The following TVP23C variants were observed in gnomAD, a reference collection of about 807,000 sequenced individuals.
TVP23C encodes the protein Golgi apparatus membrane protein TVP23 homolog C.
Under a neutral mutation model 28.7 loss-of-function variants are expected in TVP23C, and 19 were observed. The observed-to-expected ratio is 0.66, with a 90% confidence interval of 0.46 to 0.97. The LOEUF (loss-of-function observed/expected upper bound fraction) is 0.97. TVP23C is among the 50% of genes least tolerant of loss of function. The probability of loss-of-function intolerance (pLI) is 0.00; values close to 1 mark genes in which losing one functional copy is unlikely to be tolerated. For synonymous variants in TVP23C, 68 were observed against 81.7 expected, an observed-to-expected ratio of 0.83 and a Z score of 0.90; for missense variants, 186 against 241.3, an observed-to-expected ratio of 0.77 and a Z score of 1.52.
At chr17:15,520,846 C>G (rs1272925225) in intron 5 of TVP23C, among the ~76,000 whole-genome samples, 5 of 151,958 alleles carry the variant, frequency 3.3e-5, no homozygotes. Flanking sequence ...AATCTGTCAT[C>G]ATTTGCAGTT....
intron 5 of TVP23C, among the ~76,000 whole-genome samples, chr17:15,545,248 TA>T (rs1983590646): frequency 6.6e-6 from 1 of 152,136 alleles, no homozygotes; most frequent in Non-Finnish European, 1.5e-5. Flanking sequence ...GGCTGCCACG[TA>T]AGCAGTCCCA....
In TVP23C at chr17:15,538,894, G is replaced by A; in HGVS notation, c.*1518C>T. The stretch of plus-strand genomic sequence containing the variant: ...GCCATGCAAAAATCCTTCAGAATGA[G>A]ATGATCATGTCCCTACATGAATATT... On this transcript the variant is annotated 3_prime_UTR_variant, in exon 6 of 6. Transcript: ENST00000518321. The A allele has an allele frequency of 1.0e-6, 1 of 985,846 alleles. No homozygotes were observed. The highest frequency in any genetic ancestry group is 1.2e-6 in the Non-Finnish European group (1 of 829,938). The allele number at this position is 985,846 out of a possible 1,614,324, so 61.1% of individuals were successfully genotyped here.
At chr17:15,525,754 T>C (rs1370559261) in intron 5 of TVP23C, among the ~76,000 whole-genome samples, 1 of 152,148 alleles carries the variant, frequency 6.6e-6, no homozygotes, top group African/African-American at 2.4e-5. Flanking sequence ...ACAAAGGTGG[T>C]GTCCTAAGGT....
intron 5 of TVP23C, among the ~76,000 whole-genome samples, chr17:15,517,427 CTT>C (rs1982276891): frequency 6.6e-6 from 1 of 152,206 alleles, no homozygotes; most frequent in South Asian, 2.1e-4. Context: ...TGATCTGCAT[CTT>C]GTCTTTACCA....
chr17:15,556,241 T>C (rs868692797), intron 1 of TVP23C, among the ~76,000 whole-genome samples: 1 of 151,860 alleles, frequency 6.6e-6, no homozygotes, highest in African/African-American at 2.4e-5. Context: ...CTAATCAGCA[T>C]ATGCATATAA....
intron 5 of TVP23C, among the ~76,000 whole-genome samples, chr17:15,521,706 A>T (rs900474117): frequency 3.3e-5 from 5 of 152,224 alleles, no homozygotes; most frequent in Admixed American, 3.3e-4. Context: ...CCACATGGGA[A>T]ATAAAAAGAA....
chr17:15,549,423 T>C (rs1489757553), intron 3 of TVP23C, among the ~76,000 whole-genome samples: 3 of 152,134 alleles, frequency 2.0e-5, no homozygotes, highest in African/African-American at 7.2e-5. Flanking sequence ...AGTAGTATTT[T>C]ACACATGTTA....
intron 5 of TVP23C, among the ~76,000 whole-genome samples, chr17:15,542,767 T>C (rs1364375898): frequency 6.6e-6 from 1 of 152,122 alleles, no homozygotes; most frequent in Non-Finnish European, 1.5e-5. Flanking sequence ...TGAGCCACCA[T>C]GCCAAGGTCT....
intron 5 of TVP23C, among the ~76,000 whole-genome samples, chr17:15,508,703 T>C (rs951332602): frequency 3.3e-5 from 5 of 152,242 alleles, no homozygotes; most frequent in African/African-American, 1.2e-4. Flanking sequence ...CACTAATAGC[T>C]TACAAACGAG....
In TVP23C at chr17:15,502,784, TCCCTCTCTCCTCTCTC is replaced by T. The variant is rs1567627308; in HGVS notation, c.*64_*79del. ...TCTCCTTCTCCGTCACTCTCTTCCC[TCCCTCTCTCCTCTCTC>T]CTCTCTCTCCTCTCTCTCTCTCTCT... On this transcript the variant is annotated 3_prime_UTR_variant, in exon 6 of 6. Coordinates refer to the TVP23C transcript ENST00000225576. The T allele has an allele frequency of 2.3e-5, 33 of 1,465,344 alleles. No homozygotes were observed. The African/African-American group carries it at 4.1e-4, about 18-fold the overall frequency. 90.8% of individuals were successfully genotyped at this position (1,465,344 alleles called of 1,614,324 possible). A position where few individuals can be genotyped will look rare whatever the true frequency, so the allele number is the denominator to read the frequency against.
downstream of TVP23C, among the ~76,000 whole-genome samples, chr17:15,534,823 C>T (rs1300013477): frequency 2.6e-5 from 4 of 151,580 alleles, no homozygotes; most frequent in Admixed American, 1.3e-4. Context: ...ACAAAATTAG[C>T]CGGGCGTGGT....
chr17:15,524,318 AG>A (rs1475840301), intron 5 of TVP23C, among the ~76,000 whole-genome samples: 10 of 152,114 alleles, frequency 6.6e-5, no homozygotes, highest in Non-Finnish European at 1.5e-4. Context: ...TCCAAATATG[AG>A]TTTTTCCTGT....
intron 5 of TVP23C, among the ~76,000 whole-genome samples, chr17:15,518,882 G>A (rs563681318): frequency 1.4e-4 from 21 of 152,254 alleles, no homozygotes; most frequent in African/African-American, 3.8e-4. Flanking sequence ...TAATCCCCAC[G>A]TGTCGAGGGG....
intron 5 of TVP23C, among the ~76,000 whole-genome samples, chr17:15,515,106 C>G (rs778692908): frequency 2.0e-5 from 3 of 152,060 alleles, no homozygotes; most frequent in Non-Finnish European, 4.4e-5. Flanking sequence ...TGCCCATACC[C>G]ACAGTGGGCA....
At chr17:15,533,153 T>C (rs1427806524), downstream of TVP23C, among the ~76,000 whole-genome samples, 1 of 152,206 alleles carries the variant, frequency 6.6e-6, no homozygotes, top group Non-Finnish European at 1.5e-5. Context: ...ACAAACAATA[T>C]AACTTACGTG....
intron 5 of TVP23C, among the ~76,000 whole-genome samples, chr17:15,519,889 G>A (rs1292157238): frequency 4.6e-5 from 7 of 152,212 alleles, no homozygotes; most frequent in African/African-American, 9.6e-5. Flanking sequence ...GCAACAGAGC[G>A]AGACTCCGTC....
At chr17:15,508,353 C>T (rs72824494) in intron 5 of TVP23C, among the ~76,000 whole-genome samples, 4,960 of 152,270 alleles carry the variant, frequency 0.033, 131 homozygotes, top group Non-Finnish European at 0.051. Flanking sequence ...TTTGTCCTGT[C>T]CCCAAAGCCC....
At chr17:15,542,919 G>A (rs950859803) in intron 5 of TVP23C, among the ~76,000 whole-genome samples, 5 of 152,200 alleles carry the variant, frequency 3.3e-5, no homozygotes, top group African/African-American at 7.2e-5. Context: ...GGCATAAGTA[G>A]GTTAACACAG....
At chr17:15,514,342 G>A (rs924601553) in intron 5 of TVP23C, among the ~76,000 whole-genome samples, 1 of 151,950 alleles carries the variant, frequency 6.6e-6, no homozygotes, top group Admixed American at 6.5e-5. Flanking sequence ...CTTTAAAAAT[G>A]AATCTTAGGA....
Sources: gnomAD v4.1 joint callset for allele counts (sites outside exome capture counted in the v4.1 genomes callset) on GRCh38, gnomAD v4.1.1 for gene constraint, MANE v1.5 for transcripts, NCBI Gene and HGNC (gene_info 2026-07-23, HGNC 2026-07-21) for gene names.